The following BRSK2 variants were observed in gnomAD, a reference collection of about 807,000 sequenced individuals.
BRSK2 encodes the protein serine/threonine-protein kinase BRSK2.
A neutral mutation model predicts 83.3 loss-of-function variants in BRSK2; 19 were observed. That is an observed-to-expected ratio of 0.23 (90% CI 0.16 to 0.33). BRSK2 has a LOEUF of 0.33. Ranked by LOEUF, BRSK2 falls within the 10% of genes least tolerant of loss-of-function variation. BRSK2 has a pLI of 1.00. For synonymous variants in BRSK2, 519 were observed against 435.4 expected, an observed-to-expected ratio of 1.19 and a Z score of -2.39; for missense variants, 798 against 1,042.3, an observed-to-expected ratio of 0.77 and a Z score of 3.23.
At chr11:1,393,128 C>G (rs1590281922) in intron 1 of BRSK2, among the ~76,000 whole-genome samples, 2 of 152,132 alleles carry the variant, frequency 1.3e-5, no homozygotes, top group Admixed American at 1.3e-4. Context: ...GCAGAGATGC[C>G]GAGACACAGT....
chr11:1,456,748 C>T (rs1055148336), intron 18 of BRSK2, 61 bp downstream of exon 18: 17 of 1,516,554 alleles, frequency 1.1e-5, no homozygotes, highest in Non-Finnish European at 1.4e-5. Context: ...CCAGCTGGTG[C>T]TGCGCGGACG....
intron 1 of BRSK2, among the ~76,000 whole-genome samples, chr11:1,429,644 C>T (rs559873953): frequency 0.033 from 84 of 2,544 alleles, no homozygotes; most frequent in Non-Finnish European, 0.035. Context: ...GCGTCTTCTG[C>T]GGTCTGGTCA....
chr11:1,439,447 A>C (rs914044548), intron 3 of BRSK2, among the ~76,000 whole-genome samples: 3 of 151,546 alleles, frequency 2.0e-5, no homozygotes, highest in African/African-American at 7.3e-5. Flanking sequence ...TGATGCTGGC[A>C]AGGTGGACTG....
chr11:1,447,298 G>T (rs1852288025), intron 12 of BRSK2, among the ~76,000 whole-genome samples: 1 of 152,152 alleles, frequency 6.6e-6, no homozygotes, highest in South Asian at 2.1e-4. Context: ...CACCTCCCCG[G>T]ACTCCCCGAC....
At chr11:1,439,253 C>T (rs1038135387) in intron 3 of BRSK2, among the ~76,000 whole-genome samples, 18 of 152,066 alleles carry the variant, frequency 1.2e-4, no homozygotes, top group African/African-American at 2.2e-4. Flanking sequence ...CCAGCAGCAA[C>T]GTCCACGCTT....
At chr11:1,406,629 C>T (rs1433838933) in intron 1 of BRSK2, among the ~76,000 whole-genome samples, 4 of 152,194 alleles carry the variant, frequency 2.6e-5, no homozygotes, top group African/African-American at 7.2e-5. Flanking sequence ...GCCCCAGGCT[C>T]TCAGGATGGG....
chr11:1,459,472 T>C (rs980446605), intron 19 of BRSK2: 7 of 568,932 alleles, frequency 1.2e-5, no homozygotes, highest in African/African-American at 3.8e-5. Context: ...TGCCAGGCCC[T>C]AGGATCAGGG....
Position 1,461,026 on chromosome 11 carries a change from G to C in BRSK2, c.*303G>C. On this transcript the variant is annotated 3_prime_UTR_variant, in exon 20 of 20. Transcript: ENST00000528841. ...CACGAGGCCATCCTCTGTGACCGAA[G>C]GCAGCTGCTGCGGACCCGCCCTCCC... 2 of 1,611,364 alleles carry C rather than the reference G, an allele frequency of 1.2e-6. No individual in the cohort carries two copies. The highest frequency in any genetic ancestry group is 1.7e-6 in the Non-Finnish European group (2 of 1,179,112).
intron 19 of BRSK2, among the ~76,000 whole-genome samples, chr11:1,460,273 G>A (rs879602350): frequency 4.6e-5 from 7 of 152,060 alleles, no homozygotes; most frequent in Admixed American, 3.3e-4. Flanking sequence ...AGCCCCCAGC[G>A]TACAGGGCCC....
At chr11:1,405,727 T>C (rs543527375) in intron 1 of BRSK2, among the ~76,000 whole-genome samples, 8 of 152,178 alleles carry the variant, frequency 5.3e-5, no homozygotes, top group Admixed American at 3.9e-4. Context: ...AGCCTAAAGA[T>C]TGTGCTCTGT....
intron 5 of BRSK2, 110 bp from the exon 6 acceptor site, chr11:1,442,996 G>C (rs1447106711): frequency 1.6e-6 from 2 of 1,272,662 alleles, no homozygotes; most frequent in Non-Finnish European, 2.1e-6. Context: ...GGGGCGTCTG[G>C]CACCACAGCC....
chr11:1,433,458 G>C (rs117443913), intron 1 of BRSK2, among the ~76,000 whole-genome samples: 1 of 152,248 alleles, frequency 6.6e-6, no homozygotes, highest in African/African-American at 2.4e-5. Flanking sequence ...GCCTCCGGCT[G>C]CATCCTCCCA....
At chr11:1,453,227 G>A (rs1846021995) in intron 15 of BRSK2, among the ~76,000 whole-genome samples, 1 of 152,258 alleles carries the variant, frequency 6.6e-6, no homozygotes, top group South Asian at 2.1e-4. Context: ...TGCCCACCAC[G>A]TGGGTGCTGG....
At chr11:1,444,445 G>A in intron 8 of BRSK2, among the ~76,000 whole-genome samples, 1 of 152,138 alleles carries the variant, frequency 6.6e-6, no homozygotes. Flanking sequence ...TGGAGAGAAG[G>A]GGCCGTGTGG....
intron 1 of BRSK2, among the ~76,000 whole-genome samples, chr11:1,411,910 C>A (rs1283230085): frequency 2.0e-5 from 3 of 152,266 alleles, no homozygotes; most frequent in Admixed American, 6.5e-5. Flanking sequence ...CCCTGTGCTG[C>A]CCCATCCTGT....
Position 1,462,546 on chromosome 11 carries a change from C to T in BRSK2, c.*1823C>T, listed in dbSNP as rs988648367. The stretch of plus-strand genomic sequence containing the variant: ...AGATCGAGGACACGAAGCAAACTGC[C>T]TCTTGCTTGCCTTCCCCTTTTGTGC... On this transcript the variant is annotated 3_prime_UTR_variant, in exon 20 of 20. Coordinates refer to ENST00000528841, the MANE Select transcript of BRSK2 (RefSeq NM_001256627.2). The T allele has an allele frequency of 6.6e-6, 1 of 152,284 alleles. No homozygotes were observed. 9.4% of individuals were successfully genotyped at this position (152,284 alleles called of 1,614,324 possible).
Position 1,461,113 on chromosome 11 carries a change from C to T in BRSK2, c.*390C>T, listed in dbSNP as rs996299954. On this transcript the variant is annotated 3_prime_UTR_variant, in exon 20 of 20. Transcript: ENST00000528841. Reference sequence around the variant, plus strand: ...GCCCAGCGCCCCGTCCACCCCGCGGCAGCTCCTCGCCTCAGCTCCGCACGG... The same window carrying T: ...GCCCAGCGCCCCGTCCACCCCGCGGTAGCTCCTCGCCTCAGCTCCGCACGG... 3 of 1,418,252 alleles carry T rather than the reference C, an allele frequency of 2.1e-6. No individual in the cohort carries two copies. The highest frequency in any genetic ancestry group is 1.4e-5 in the African/African-American group (1 of 70,202). The allele number at this position is 1,418,252 out of a possible 1,614,324, so 87.9% of individuals were successfully genotyped here.
chr11:1,421,555 G>A (rs892073546), intron 1 of BRSK2, among the ~76,000 whole-genome samples: 2 of 152,208 alleles, frequency 1.3e-5, no homozygotes, highest in African/African-American at 2.4e-5. Flanking sequence ...CTTTTCCAAC[G>A]TGAGCAGTTG....
chr11:1,436,244 G>A lies in BRSK2; in HGVS notation c.186+110G>A. 5.8e-6 allele frequency: 2 copies of A among 342,524 alleles called. 1 individual carries two copies. The allele number at this position is 342,524 out of a possible 1,614,324, so 21.2% of individuals were successfully genotyped here. A position where few individuals can be genotyped will look rare whatever the true frequency, so the allele number is the denominator to read the frequency against. ...CCTGCGGTGCTGGATGCGGGTGGGG[G>A]GGCGGGCCCTGCAGGCTCCTGGGCC... On this transcript the variant is annotated intron_variant, in intron 2 of 19. Transcript: ENST00000528841.
Sources: allele counts gnomAD v4.1 joint callset (sites outside exome capture counted in the v4.1 genomes callset), GRCh38; gene constraint gnomAD v4.1.1; transcripts MANE v1.5; gene names NCBI Gene and HGNC (gene_info 2026-07-23, HGNC 2026-07-21).